Variants in ZNF276 observed in about 807,000 individuals in gnomAD.
The protein encoded by ZNF276 is centromere protein Z.
ZNF276 carries 59 observed loss-of-function variants against 63.9 expected under a neutral mutation model. The ratio of observed to expected loss-of-function variants is 0.92; its 90% CI spans 0.75 to 1.15. The LOEUF (loss-of-function observed/expected upper bound fraction) is 1.15, where lower values mean the gene tolerates loss of function less well. Ranked by LOEUF, ZNF276 falls within the 50% of genes most tolerant of loss-of-function variation. ZNF276 has a pLI of 0.00. For synonymous variants in ZNF276, 496 were observed against 348.4 expected (o/e 1.42, Z -4.72); for missense variants, 1,084 against 843.8 (o/e 1.28, Z -3.53).
chr16:89,730,439 G>A (rs1283138335), intron 6 of ZNF276, among the ~76,000 whole-genome samples: 1 of 152,152 alleles, frequency 6.6e-6, no homozygotes, highest in Non-Finnish European at 1.5e-5. Flanking sequence ...AGGGCTGGGA[G>A]CTGGGATGGG....
Position 89,722,851 on chromosome 16 carries a change from T to A in ZNF276, c.509+17T>A, listed in dbSNP as rs926126797. On this transcript the variant is annotated intron_variant, in intron 2 of 10. Coordinates refer to ENST00000443381, the MANE Select transcript of ZNF276 (RefSeq NM_001113525.2). Reference sequence around the variant, plus strand: ...TTGTGCAAAGTACGCCCTAGTCTGTTCAGAGCACGTTCAGGCTGTCAGTAC... The same window carrying A: ...TTGTGCAAAGTACGCCCTAGTCTGTACAGAGCACGTTCAGGCTGTCAGTAC... 6.3e-7 allele frequency: 1 copy of A among 1,595,526 alleles called. No individual in the cohort carries two copies. Among genetic ancestry groups the A allele is most frequent in the Admixed American group, 1.7e-5 (1 of 59,758 alleles).
chr16:89,739,702 G>C lies in ZNF276; in HGVS notation c.*1456G>C, dbSNP rs536790026. ...AACAGCCTGAGCTGAGGATACCCAG[G>C]TACCTGTCAGCAGCTGGGAGAGGAT... On this transcript the variant is annotated 3_prime_UTR_variant, in exon 11 of 11. Transcript: ENST00000443381. 10 of 1,507,070 alleles carry C rather than the reference G, an allele frequency of 6.6e-6. No individual in the cohort carries two copies. Among genetic ancestry groups the C allele is most frequent in the Non-Finnish European group, 8.0e-6 (9 of 1,121,892 alleles). The allele number at this position is 1,507,070 out of a possible 1,614,324, so 93.4% of individuals were successfully genotyped here.
rs769531702 is a variant in ZNF276 at position 89,733,505 on chromosome 16, A to T, written c.1304A>T (p.Lys435Met). The change falls in exon 8 of 11, where the codon AAG becomes ATG. Residue 435 changes from lysine (K) to methionine (M), a missense_variant. Physicochemically the swap from Lys to Met is moderately conservative, Grantham distance 95. Coordinates refer to ENST00000443381, the MANE Select transcript of ZNF276 (RefSeq NM_001113525.2). The part of the protein sequence containing the change: ...CEREELPTIY[K>M]CPYQGCTAVY... The stretch of plus-strand genomic sequence containing the variant: ...AGGGAGGAGCTTCCCACCATCTACA[A>T]GTGTCCTTACCAGGGCTGCACGGCC... 1 of 1,614,046 alleles carries T rather than the reference A, an allele frequency of 6.2e-7. No individual in the cohort carries two copies. The highest frequency in any genetic ancestry group is 1.3e-5 in the African/African-American group (1 of 74,942).
rs2062054021 is a variant in ZNF276, at chr16:89,739,146, T to C, written c.*900T>C. The C allele has an allele frequency of 1.2e-6, 2 of 1,613,988 alleles. No homozygotes were observed. Among genetic ancestry groups the C allele is most frequent in the Non-Finnish European group, 1.7e-6 (2 of 1,180,034 alleles). ...CCTTGCACCTGCCTGACCCTTGAGCTCCAGGCTCCTGCCAGCTGGAGGTGA... is the reference window on the plus strand; with the variant it reads ...CCTTGCACCTGCCTGACCCTTGAGCCCCAGGCTCCTGCCAGCTGGAGGTGA... On this transcript the variant is annotated 3_prime_UTR_variant, in exon 11 of 11. Coordinates refer to ENST00000443381, the MANE Select transcript of ZNF276 (RefSeq NM_001113525.2).
chr16:89,728,848 C>T (rs1305528248), intron 5 of ZNF276, among the ~76,000 whole-genome samples: 1 of 152,216 alleles, frequency 6.6e-6, no homozygotes, highest in African/African-American at 2.4e-5. Flanking sequence ...CTTTTGTGAA[C>T]TTAGAAGTGA....
In ZNF276 at chr16:89,721,567, A is replaced by G; in HGVS notation, c.-74A>G. On this transcript the variant is annotated 5_prime_UTR_variant, in exon 1 of 11. Transcript: ENST00000443381. Reference sequence around the variant, plus strand: ...GCCTCGCTTCCAGCGCGCCGAGCGGAGCCTAACGCCGGGTCCTCTAGGAAC... The same window carrying G: ...GCCTCGCTTCCAGCGCGCCGAGCGGGGCCTAACGCCGGGTCCTCTAGGAAC... 1 of 1,377,188 alleles carries G rather than the reference A, an allele frequency of 7.3e-7. No individual in the cohort carries two copies. The allele number at this position is 1,377,188 out of a possible 1,614,324, so 85.3% of individuals were successfully genotyped here. A position where few individuals can be genotyped will look rare whatever the true frequency, so the allele number is the denominator to read the frequency against.
Position 89,737,970 on chromosome 16 carries a change from C to T in ZNF276, c.1575-6C>T, listed in dbSNP as rs2062004613. 6.2e-7 allele frequency: 1 copy of T among 1,614,134 alleles called. No homozygotes were observed. The highest frequency in any genetic ancestry group is 8.5e-7 in the Non-Finnish European group (1 of 1,180,008). Reference sequence around the variant, plus strand: ...TCGCACCTTCTTATCTGCCTCTGTCCCCCAGGTGTGAGGTCTGTGGGTTCC... The same window carrying T: ...TCGCACCTTCTTATCTGCCTCTGTCTCCCAGGTGTGAGGTCTGTGGGTTCC... On this transcript the variant is annotated splice_region_variant and splice_polypyrimidine_tract_variant and intron_variant, in intron 10 of 10. Coordinates refer to ENST00000443381, the MANE Select transcript of ZNF276 (RefSeq NM_001113525.2).
intron 4 of ZNF276, among the ~76,000 whole-genome samples, chr16:89,725,916 A>G (rs1325096907): frequency 1.3e-5 from 2 of 152,310 alleles, no homozygotes; most frequent in Admixed American, 1.3e-4. Flanking sequence ...CAAAAGGCTG[A>G]GATTATAAGC....
chr16:89,721,213 C>A (rs557443271), upstream of ZNF276: 5 of 223,332 alleles, frequency 2.2e-5, no homozygotes, highest in Admixed American at 1.2e-4. Flanking sequence ...TGCAGCCCGC[C>A]CGCCACCTGC....
intron 9 of ZNF276, among the ~76,000 whole-genome samples, chr16:89,735,335 TAC>T (rs58818024): frequency 2.6e-5 from 4 of 152,158 alleles, no homozygotes; most frequent in South Asian, 2.1e-4. Context: ...TATTGATCCT[TAC>T]ACACACAGTT....
chr16:89,724,787 G>C (rs926735174), intron 4 of ZNF276, among the ~76,000 whole-genome samples: 22 of 152,192 alleles, frequency 1.4e-4, no homozygotes, highest in African/African-American at 5.3e-4. Context: ...TGTATGCAGT[G>C]TGTTGAGAAC....
chr16:89,727,929 C>T (rs2061518489), intron 5 of ZNF276, among the ~76,000 whole-genome samples: 2 of 152,196 alleles, frequency 1.3e-5, no homozygotes, highest in African/African-American at 2.4e-5. Flanking sequence ...TCTGCAAACT[C>T]CCTGGGCCAC....
At chr16:89,720,542 G>A (rs1040375123), upstream of ZNF276, 2 of 1,171,244 alleles carry the variant, frequency 1.7e-6, no homozygotes, top group Non-Finnish European at 2.1e-6. Flanking sequence ...CTCAGCGAGC[G>A]GAGTGGAAAG....
In ZNF276 at chr16:89,738,447, C is replaced by G. The variant is rs1230; in HGVS notation, c.*201C>G. On this transcript the variant is annotated 3_prime_UTR_variant, in exon 11 of 11. Coordinates refer to ENST00000443381, the MANE Select transcript of ZNF276 (RefSeq NM_001113525.2). ...ATTTTCCCGCAAACGCTGAGTGACT[C>G]GGGGCCGGACAGTTCATAAATAATT... 2.2e-6 allele frequency: 3 copies of G among 1,384,922 alleles called. No individual in the cohort carries two copies. Among genetic ancestry groups the G allele is most frequent in the Middle Eastern group, 2.5e-4 (1 of 4,032 alleles). 85.8% of individuals were successfully genotyped at this position (1,384,922 alleles called of 1,614,324 possible). A position where few individuals can be genotyped will look rare whatever the true frequency, so the allele number is the denominator to read the frequency against.
At chr16:89,730,779 G>A (rs1167333360) in intron 6 of ZNF276, among the ~76,000 whole-genome samples, 1 of 152,184 alleles carries the variant, frequency 6.6e-6, no homozygotes, top group Non-Finnish European at 1.5e-5. Flanking sequence ...GAACCCAGAA[G>A]GGCCTCTGCA....
Position 89,738,371 on chromosome 16 carries a change from G to A in ZNF276, c.*125G>A, listed in dbSNP as rs2062020815. 1.4e-6 allele frequency: 2 copies of A among 1,447,350 alleles called. No individual in the cohort carries two copies. Among genetic ancestry groups the A allele is most frequent in the African/African-American group, 1.4e-5 (1 of 70,926 alleles). The allele number at this position is 1,447,350 out of a possible 1,614,324, so 89.7% of individuals were successfully genotyped here. A position where few individuals can be genotyped will look rare whatever the true frequency, so the allele number is the denominator to read the frequency against. Reference sequence around the variant, plus strand: ...CTGCCCGCCCTTGGTGCTGGAGGCGGGCTTGGTGTCCGGCTCAAGTAGCCT... The same window carrying A: ...CTGCCCGCCCTTGGTGCTGGAGGCGAGCTTGGTGTCCGGCTCAAGTAGCCT... On this transcript the variant is annotated 3_prime_UTR_variant, in exon 11 of 11. Coordinates refer to ENST00000443381, the MANE Select transcript of ZNF276 (RefSeq NM_001113525.2).
Position 89,737,838 on chromosome 16 carries a change from C to G in ZNF276, c.1507C>G (p.Gln503Glu), listed in dbSNP as rs2061994034. The change falls in exon 10 of 11, where the codon CAA (glutamine) becomes GAA (glutamate). Residue 503 changes from glutamine (Q) to glutamate (E), a missense_variant. By Grantham distance (29) the Gln-to-Glu change is conservative. Coordinates refer to ENST00000443381, the MANE Select transcript of ZNF276 (RefSeq NM_001113525.2). ...VRNYICDECG[Q>E]TFKQRKHLLV... Reference sequence around the variant, plus strand: ...GAACTATATCTGTGACGAATGTGGACAAACCTTCAAGCAGCGGAAGCACCT... The same window carrying G: ...GAACTATATCTGTGACGAATGTGGAGAAACCTTCAAGCAGCGGAAGCACCT... The G allele has an allele frequency of 1.2e-6, 2 of 1,614,068 alleles. No individual in the cohort carries two copies. Among genetic ancestry groups the G allele is most frequent in the Admixed American group, 1.7e-5 (1 of 59,992 alleles).
rs1471095424 is a variant in ZNF276, at chr16:89,739,817, A to T, written c.*1571A>T. ...CCATTGGTCCTGGGGTTGACCAGTG[A>T]GCCAGTAAATTATCTTATTGCTTTA... is the stretch of plus-strand genomic sequence containing the variant. On this transcript the variant is annotated 3_prime_UTR_variant, in exon 11 of 11. Transcript: ENST00000443381. 6.8e-7 allele frequency: 1 copy of T among 1,467,052 alleles called. No individual in the cohort carries two copies. Among genetic ancestry groups the T allele is most frequent in the Non-Finnish European group, 9.0e-7 (1 of 1,112,856 alleles). 90.9% of individuals were successfully genotyped at this position (1,467,052 alleles called of 1,614,324 possible). A position where few individuals can be genotyped will look rare whatever the true frequency, so the allele number is the denominator to read the frequency against.
Position 89,740,613 on chromosome 16 carries a change from G to A in ZNF276, c.*2367G>A, listed in dbSNP as rs2062105474. The A allele has an allele frequency of 8.3e-6, 5 of 602,038 alleles. No homozygotes were observed. The highest frequency in any genetic ancestry group is 1.5e-5 in the Non-Finnish European group (5 of 338,306). 37.3% of individuals were successfully genotyped at this position (602,038 alleles called of 1,614,324 possible). A position where few individuals can be genotyped will look rare whatever the true frequency, so the allele number is the denominator to read the frequency against. ...ATCACACCACTGCACTCCAGCCTGG[G>A]TGACAGAGTGAGACCCCCATCTCAA... On this transcript the variant is annotated 3_prime_UTR_variant, in exon 11 of 11. Transcript: ENST00000443381.
Sources: gnomAD v4.1 joint callset for allele counts (sites outside exome capture counted in the v4.1 genomes callset) on GRCh38, gnomAD v4.1.1 for gene constraint, MANE v1.5 for transcripts, NCBI Gene and HGNC (gene_info 2026-07-23, HGNC 2026-07-21) for gene names.